YIPF1: variants seen among roughly 807,000 people sequenced by gnomAD.
YIPF1 encodes protein YIPF1.
A neutral mutation model predicts 37.0 loss-of-function variants in YIPF1; 22 were observed. The ratio of observed to expected loss-of-function variants is 0.59; its 90% CI spans 0.42 to 0.85. YIPF1 has a LOEUF of 0.85. YIPF1 is among the 40% of genes least tolerant of loss of function. The probability of loss-of-function intolerance (pLI) is 0.00; values close to 1 mark genes in which losing one functional copy is unlikely to be tolerated. For missense variants in YIPF1, 355 were observed against 373.1 expected, an observed-to-expected ratio of 0.95 and a Z score of 0.40; for synonymous variants, 128 against 131.9, an observed-to-expected ratio of 0.97 and a Z score of 0.21.
At chr1:53,866,633 G>A in intron 8 of YIPF1, 125 bp downstream of exon 8, 1 of 1,280,682 alleles carries the variant, frequency 7.8e-7, no homozygotes, top group Non-Finnish European at 1.1e-6. Context: ...TAACTTCAAA[G>A]GAGATTTTTT....
intron 7 of YIPF1, among the ~76,000 whole-genome samples, chr1:53,870,757 T>C (rs958967462): frequency 4.6e-5 from 7 of 151,992 alleles, no homozygotes; most frequent in Non-Finnish European, 7.4e-5. Flanking sequence ...CCTGTAATCC[T>C]ACCTAGCACC....
In YIPF1 at chr1:53,866,381, A is replaced by G. The variant is rs748288746; in HGVS notation, c.650T>C (p.Ile217Thr). ...AGCTTTCTGGGGGATAATCCACAGT[A>G]TCTGAAAGAAGAGAAAAGGAGGAGC... ...YSLFIYIPTAILWIIPQKAVR... is the reference protein window; with the variant it reads ...YSLFIYIPTATLWIIPQKAVR... Residue 217 changes from isoleucine (I) to threonine (T), a missense_variant and splice_region_variant, in exon 9 of 11, where the codon ATA becomes ACA. Ile to Thr is a moderately conservative substitution (Grantham distance 89, BLOSUM62 -1). Transcript: ENST00000072644. 4 of 1,613,102 alleles carry G rather than the reference A, an allele frequency of 2.5e-6. No individual in the cohort carries two copies. The highest frequency in any genetic ancestry group is 3.4e-6 in the Non-Finnish European group (4 of 1,179,398).
At chr1:53,866,612 T>G in intron 8 of YIPF1, 146 bp downstream of exon 8, 1 of 1,139,186 alleles carries the variant, frequency 8.8e-7, no homozygotes, top group African/African-American at 1.6e-5. Context: ...ACCCCTTTCA[T>G]GCTTAACTTC....
intron 6 of YIPF1, among the ~76,000 whole-genome samples, chr1:53,877,864 G>C (rs145272366): frequency 6.6e-6 from 1 of 152,134 alleles, no homozygotes; most frequent in Non-Finnish European, 1.5e-5. Flanking sequence ...ATGTTGCCCA[G>C]GCTGGTCTCA....
chr1:53,855,454 ATAT>A (rs1649695583), intron 10 of YIPF1, among the ~76,000 whole-genome samples: 1 of 152,172 alleles, frequency 6.6e-6, no homozygotes, highest in Non-Finnish European at 1.5e-5. Flanking sequence ...GATATTCTTT[ATAT>A]TATTTCAATA....
chr1:53,857,457 A>G (rs1336924971), intron 10 of YIPF1, among the ~76,000 whole-genome samples: 1 of 152,226 alleles, frequency 6.6e-6, no homozygotes, highest in Non-Finnish European at 1.5e-5. Flanking sequence ...GCCAAAGGCT[A>G]GCAGTGAGAA....
At chr1:53,858,619 A>G (rs934547993) in intron 10 of YIPF1, among the ~76,000 whole-genome samples, 1 of 152,128 alleles carries the variant, frequency 6.6e-6, no homozygotes, top group African/African-American at 2.4e-5. Flanking sequence ...TTGCTAGTAC[A>G]TGGTAGGGCT....
intron 3 of YIPF1, among the ~76,000 whole-genome samples, chr1:53,885,167 T>C (rs1650611994): frequency 6.6e-6 from 1 of 152,152 alleles, no homozygotes; most frequent in African/African-American, 2.4e-5. Flanking sequence ...AGATAATACC[T>C]ACCCCACAAA....
At chr1:53,869,542 T>C (rs900802642) in intron 7 of YIPF1, among the ~76,000 whole-genome samples, 1 of 152,136 alleles carries the variant, frequency 6.6e-6, no homozygotes, top group Non-Finnish European at 1.5e-5. Flanking sequence ...GTGGTGGAGC[T>C]GGAACTGAAG....
intron 6 of YIPF1, among the ~76,000 whole-genome samples, chr1:53,874,399 T>G (rs1041097382): frequency 6.6e-6 from 1 of 152,224 alleles, no homozygotes; most frequent in Admixed American, 6.5e-5. Context: ...ATTTTTATAT[T>G]ATGAAATATT....
At chr1:53,870,165 T>C (rs1460134929) in intron 7 of YIPF1, among the ~76,000 whole-genome samples, 2 of 42,476 alleles carry the variant, frequency 4.7e-5, no homozygotes, top group Admixed American at 3.5e-4. Flanking sequence ...GGTCTCTTTT[T>C]TTTTTTTTTT....
chr1:53,871,352 G>T lies in YIPF1; in HGVS notation c.481+20C>A. 1 of 1,599,632 alleles carries T rather than the reference G, an allele frequency of 6.3e-7. No individual in the cohort carries two copies. Among genetic ancestry groups the T allele is most frequent in the South Asian group, 1.1e-5 (1 of 90,478 alleles). On this transcript the variant is annotated intron_variant, in intron 7 of 10. Transcript: ENST00000072644. ...GCTAGAAACTGACAGCATTCCAAAT[G>T]AGTCAAGCTATTCACCAACCTTTTC...
intron 3 of YIPF1, among the ~76,000 whole-genome samples, chr1:53,885,589 G>C (rs1650626702): frequency 6.6e-6 from 1 of 152,098 alleles, no homozygotes; most frequent in African/African-American, 2.4e-5. Flanking sequence ...GGGAGGCTGA[G>C]GCGAGCAGAT....
chr1:53,878,435 G>GT (rs751782051), intron 5 of YIPF1, 33 bp from the exon 6 acceptor site: 2 of 1,600,316 alleles, frequency 1.2e-6, no homozygotes, highest in East Asian at 4.5e-5. Context: ...TTCTACTGAA[G>GT]TTTTTTAAGT....
At chr1:53,862,819 A>G (rs1407171676) in intron 9 of YIPF1, among the ~76,000 whole-genome samples, 1 of 152,210 alleles carries the variant, frequency 6.6e-6, no homozygotes, top group Non-Finnish European at 1.5e-5. Flanking sequence ...AGATGTTGCC[A>G]TGGCATGCAC....
intron 9 of YIPF1, 64 bp from the exon 10 acceptor site, chr1:53,860,217 A>T: frequency 2.7e-6 from 4 of 1,498,668 alleles, no homozygotes; most frequent in Non-Finnish European, 3.7e-6. Flanking sequence ...GTGTTTTTTT[A>T]GACTCCATGC....
intron 3 of YIPF1, among the ~76,000 whole-genome samples, chr1:53,884,339 G>A (rs1486716841): frequency 6.6e-6 from 1 of 151,736 alleles, no homozygotes; most frequent in Non-Finnish European, 1.5e-5. Flanking sequence ...TTCACATAGT[G>A]AGATTCATGC....
At position 53,879,056 on chromosome 1, in the gene YIPF1, C is replaced by T. The variant is rs183951647; in HGVS notation, c.196-334G>A. ...ATGTACAATAATAAATACATATACA[C>T]ACATACAACACATACAGAAGGCAGT... On this transcript the variant is annotated intron_variant, in intron 4 of 10. Coordinates refer to ENST00000072644, the MANE Select transcript of YIPF1 (RefSeq NM_018982.5). 9.9e-5 allele frequency among the ~76,000 whole-genome samples: 15 copies of T among 151,774 alleles called. No individual in the cohort carries two copies. The East Asian group carries it at 2.9e-3, about 30-fold the overall frequency.
At chr1:53,881,161 G>A (rs1415274090) in intron 4 of YIPF1, among the ~76,000 whole-genome samples, 4 of 150,670 alleles carry the variant, frequency 2.7e-5, no homozygotes, top group Non-Finnish European at 5.9e-5. Context: ...TGCTTGGGAG[G>A]CTGAGGCAGG....
Sources: gnomAD v4.1 joint callset for allele counts (sites outside exome capture counted in the v4.1 genomes callset) on GRCh38, gnomAD v4.1.1 for gene constraint, MANE v1.5 for transcripts, NCBI Gene and HGNC (gene_info 2026-07-23, HGNC 2026-07-21) for gene names.